MS4A15: variants seen among roughly 807,000 people sequenced by gnomAD.
MS4A15 encodes the protein membrane-spanning 4-domains subfamily A member 15.
A neutral mutation model predicts 20.6 loss-of-function variants in MS4A15; 22 were observed. That is an observed-to-expected ratio of 1.07 (90% CI 0.76 to 1.52). The LOEUF is 1.52. Among genes scored for constraint, MS4A15 ranks in the 40% most tolerant of loss-of-function variants. The pLI, the probability that MS4A15 is intolerant of heterozygous loss-of-function variation, is 0.00. For missense variants in MS4A15, 312 were observed against 323.0 expected (o/e 0.97, Z 0.26); for synonymous variants, 129 against 129.3 (o/e 1.00, Z 0.02).
At chr11:60,761,960 TG>T (rs1853753575) in intron 1 of MS4A15, among the ~76,000 whole-genome samples, 1 of 152,202 alleles carries the variant, frequency 6.6e-6, no homozygotes, top group Admixed American at 6.5e-5. Context: ...GATCTTAAAA[TG>T]GCGTGCAGAA....
rs746545175 is a variant in MS4A15, at chr11:60,763,973, T to C, written c.225+15T>C. 19 of 1,602,206 alleles carry C rather than the reference T, an allele frequency of 1.2e-5. No homozygotes were observed. The highest frequency in any genetic ancestry group is 1.5e-5 in the Non-Finnish European group (18 of 1,173,564). On this transcript the variant is annotated intron_variant, in intron 2 of 6. Coordinates refer to ENST00000405633, the MANE Select transcript of MS4A15 (RefSeq NM_001098835.2). ...AAGTTTTGGGGGTAAGAACAGCCTC[T>C]CTGCACAACCTGAGGCAGGTAGTGA... is the stretch of plus-strand genomic sequence containing the variant.
In MS4A15 at chr11:60,773,431, G is replaced by A. The variant is rs550872769; in HGVS notation, c.445G>A (p.Ala149Thr). The A allele has an allele frequency of 1.2e-6, 2 of 1,613,770 alleles. No individual in the cohort carries two copies. Among genetic ancestry groups the A allele is most frequent in the Admixed American group, 3.3e-5 (2 of 60,024 alleles). The change falls in exon 5 of 7, where the codon GCG (alanine) becomes ACG (threonine). Residue 149 changes from alanine to threonine, a missense_variant. Transcript: ENST00000405633. ...SLGTNILSVM[A>T]AFAGTAILLM... ...GGGCACCAACATCCTCAGCGTCATG[G>A]CGGCCTTTGCTGGGACAGCCATTCT...
chr11:60,760,780 C>T (rs1174450370), intron 1 of MS4A15, among the ~76,000 whole-genome samples: 2 of 152,194 alleles, frequency 1.3e-5, no homozygotes, highest in South Asian at 2.1e-4. Context: ...ATATCGGGCC[C>T]TCTTCTCGAG....
chr11:60,759,328 G>T (rs1368018348), intron 1 of MS4A15, among the ~76,000 whole-genome samples: 1 of 152,238 alleles, frequency 6.6e-6, no homozygotes, highest in Admixed American at 6.5e-5. Context: ...TTAACTATAT[G>T]TTTGCAGACA....
intron 1 of MS4A15, among the ~76,000 whole-genome samples, chr11:60,759,760 A>T (rs956942845): frequency 1.3e-5 from 2 of 152,214 alleles, no homozygotes; most frequent in African/African-American, 4.8e-5. Flanking sequence ...GGTAAAGAGA[A>T]ACATAAATCT....
intron 3 of MS4A15, among the ~76,000 whole-genome samples, chr11:60,769,461 T>C (rs1853973413): frequency 1.3e-5 from 2 of 152,128 alleles, no homozygotes; most frequent in Non-Finnish European, 2.9e-5. Flanking sequence ...CAGGCCTCCT[T>C]CTCTGTATGA....
At chr11:60,769,572 C>T (rs1450977797) in intron 3 of MS4A15, among the ~76,000 whole-genome samples, 2 of 152,110 alleles carry the variant, frequency 1.3e-5, no homozygotes, top group Non-Finnish European at 2.9e-5. Context: ...ACCCAGCTGC[C>T]CTCTTGACAA....
intron 1 of MS4A15, among the ~76,000 whole-genome samples, chr11:60,763,461 G>A (rs1853798488): frequency 6.6e-6 from 1 of 152,160 alleles, no homozygotes; most frequent in Non-Finnish European, 1.5e-5. Context: ...ATAGCTCAGA[G>A]ATTAAGAGCA....
chr11:60,775,381 T>G (rs111292107), intron 6 of MS4A15, among the ~76,000 whole-genome samples: 2 of 152,214 alleles, frequency 1.3e-5, no homozygotes, highest in African/African-American at 4.8e-5. Context: ...ATGGGACTTT[T>G]GTCTGTTTTG....
Position 60,773,778 on chromosome 11 carries a change from C to T in MS4A15, c.499-59C>T, listed in dbSNP as rs1720948747. ...TGACCTTGGGCAAGTGGTTCTCACT[C>T]GGGGGACCCCCTTACTCTAGAACTC... On this transcript the variant is annotated intron_variant, in intron 5 of 6. Coordinates refer to ENST00000405633, the MANE Select transcript of MS4A15 (RefSeq NM_001098835.2). The T allele has an allele frequency of 5.5e-6, 8 of 1,466,002 alleles. No homozygotes were observed. In the East Asian group the frequency reaches 1.1e-4, roughly 21 times the overall value. The allele number at this position is 1,466,002 out of a possible 1,614,324, so 90.8% of individuals were successfully genotyped here.
chr11:60,763,622 C>A (rs1853802600), intron 1 of MS4A15, 84 bp from the exon 2 acceptor site: 2 of 1,157,450 alleles, frequency 1.7e-6, no homozygotes, highest in Non-Finnish European at 2.5e-6. Context: ...CTGCAGTAAG[C>A]AAGGGAAGTA....
intron 4 of MS4A15, 23 bp downstream of exon 4, chr11:60,771,370 AG>A: frequency 6.2e-7 from 1 of 1,613,798 alleles, no homozygotes; most frequent in Non-Finnish European, 8.5e-7. Flanking sequence ...AGGGGGACCC[AG>A]GGGCGGGGAT....
intron 2 of MS4A15, among the ~76,000 whole-genome samples, chr11:60,765,230 G>T (rs1382236626): frequency 6.6e-6 from 1 of 152,142 alleles, no homozygotes; most frequent in Non-Finnish European, 1.5e-5. Flanking sequence ...TATACTCCTA[G>T]GTTAGGTTTC....
chr11:60,773,083 G>A (rs971526328), intron 4 of MS4A15, among the ~76,000 whole-genome samples: 3 of 152,222 alleles, frequency 2.0e-5, no homozygotes, highest in South Asian at 2.1e-4. Flanking sequence ...GCCACAGTAC[G>A]GGGTAAGCTG....
intron 1 of MS4A15, among the ~76,000 whole-genome samples, chr11:60,763,262 G>T (rs774522809): frequency 6.6e-6 from 1 of 152,066 alleles, no homozygotes; most frequent in Non-Finnish European, 1.5e-5. Context: ...AATTATTGAC[G>T]CTAGCTCAAT....
chr11:60,771,826 A>G, intron 4 of MS4A15: 1 of 1,176,222 alleles, frequency 8.5e-7, no homozygotes, highest in Non-Finnish European at 1.1e-6. Flanking sequence ...TGGATTGTGG[A>G]GGGCTTGGTG....
chr11:60,759,375 C>G (rs1043210697), intron 1 of MS4A15, among the ~76,000 whole-genome samples: 1 of 152,246 alleles, frequency 6.6e-6, no homozygotes, highest in Non-Finnish European at 1.5e-5. Context: ...TCTCCATTCT[C>G]TATTAACCAG....
rs753699746 is a variant in MS4A15 at position 60,773,976 on chromosome 11, C to T, written c.612+26C>T. 8.3e-6 allele frequency: 13 copies of T among 1,574,520 alleles called. No individual in the cohort carries two copies. The Admixed American group carries it at 1.2e-4, about 14-fold the overall frequency. On this transcript the variant is annotated intron_variant, in intron 6 of 6. Coordinates refer to ENST00000405633, the MANE Select transcript of MS4A15 (RefSeq NM_001098835.2). ...GTGAGTACCCCCACCCCCACCCCCA[C>T]GTCCACTAAACCTGAGCTGAGCCTG... is the stretch of plus-strand genomic sequence containing the variant.
chr11:60,762,533 T>TC (rs1405969431), intron 1 of MS4A15, among the ~76,000 whole-genome samples: 1 of 152,238 alleles, frequency 6.6e-6, no homozygotes, highest in East Asian at 1.9e-4. Context: ...AAAAAGGCTT[T>TC]CAATAGTTAA....
Sources: gnomAD v4.1 joint callset for allele counts (sites outside exome capture counted in the v4.1 genomes callset) on GRCh38, gnomAD v4.1.1 for gene constraint, MANE v1.5 for transcripts, NCBI Gene and HGNC (gene_info 2026-07-23, HGNC 2026-07-21) for gene names.